Variants in ATP13A4 observed in about 807,000 individuals in gnomAD.
ATP13A4 encodes the protein probable cation-transporting ATPase 13A4.
Under a neutral mutation model 142.5 loss-of-function variants are expected in ATP13A4, and 114 were observed. The observed-to-expected ratio is 0.80, with a 90% CI of 0.69 to 0.93. The LOEUF is 0.93. ATP13A4 is among the 40% of genes least tolerant of loss of function. The pLI is 0.00. For missense variants in ATP13A4, 1,392 were observed against 1,454.0 expected (o/e 0.96, Z 0.69); for synonymous variants, 488 against 514.8 (o/e 0.95, Z 0.70).
intron 1 of ATP13A4, among the ~76,000 whole-genome samples, chr3:193,585,597 G>A (rs1408766662): frequency 2.0e-5 from 3 of 152,042 alleles, no homozygotes; most frequent in Non-Finnish European, 2.9e-5. Flanking sequence ...GGACACCCCT[G>A]TTCTAAATGT....
chr3:193,559,086 A>G (rs747026372), upstream of ATP13A4, among the ~76,000 whole-genome samples: 18 of 152,168 alleles, frequency 1.2e-4, no homozygotes, highest in Non-Finnish European at 2.4e-4. Flanking sequence ...TGTCTGGCCC[A>G]TTTAGGTTTT....
intron 8 of ATP13A4, among the ~76,000 whole-genome samples, chr3:193,479,972 C>G (rs932529657): frequency 2.6e-4 from 39 of 152,290 alleles, no homozygotes; most frequent in African/African-American, 8.7e-4. Context: ...CAAACACTTA[C>G]AGCCAACTGA....
Position 193,454,218 on chromosome 3 carries a change from TA to T in ATP13A4, c.1916-7del. 1 of 1,598,814 alleles carries T rather than the reference TA, an allele frequency of 6.3e-7. No individual in the cohort carries two copies. Among genetic ancestry groups the T allele is most frequent in the South Asian group, 1.1e-5 (1 of 90,812 alleles). ...GCTAACAAAACTAGTGGGTACTGTT[TA>T]GAAAGAAACACAGGGTTAGTACGCA... is the stretch of plus-strand genomic sequence containing the variant. On this transcript the variant is annotated splice_region_variant and splice_polypyrimidine_tract_variant and intron_variant, in intron 16 of 29. Transcript: ENST00000342695.
intron 25 of ATP13A4, among the ~76,000 whole-genome samples, chr3:193,418,233 C>T (rs112190874): frequency 1.6e-4 from 21 of 134,680 alleles, no homozygotes; most frequent in African/African-American, 3.4e-4. Flanking sequence ...AGGAGAATGG[C>T]GTGAACCCCG....
intron 25 of ATP13A4, among the ~76,000 whole-genome samples, chr3:193,426,548 G>A (rs576647965): frequency 3.3e-5 from 5 of 151,686 alleles, no homozygotes; most frequent in African/African-American, 2.4e-5. Context: ...TCCCTAAATC[G>A]TTTCTAAAAA....
chr3:193,418,117 G>T (rs796247978), intron 25 of ATP13A4, among the ~76,000 whole-genome samples: 1 of 44,640 alleles, frequency 2.2e-5, no homozygotes, highest in African/African-American at 1.0e-4. Context: ...GCGAGACTCC[G>T]TCTCAAAAAA....
intron 2 of ATP13A4, among the ~76,000 whole-genome samples, chr3:193,562,228 A>C (rs535893529): frequency 1.6e-4 from 24 of 152,326 alleles, no homozygotes; most frequent in South Asian, 6.2e-4. Context: ...AACAAACAAA[A>C]AAAAACTACA....
chr3:193,402,996 A>C, intron 29 of ATP13A4, 132 bp from the exon 30 acceptor site: 1 of 828,006 alleles, frequency 1.2e-6, no homozygotes, highest in East Asian at 2.7e-5. Context: ...TGACCACTGG[A>C]CCAATCTAAG....
intron 8 of ATP13A4, among the ~76,000 whole-genome samples, chr3:193,473,289 A>C (rs1176380586): frequency 6.6e-6 from 1 of 152,226 alleles, no homozygotes; most frequent in Non-Finnish European, 1.5e-5. Context: ...AGAAAGAACT[A>C]TAACCATCAA....
chr3:193,554,815 C>T lies in ATP13A4; in HGVS notation c.-16G>A. Reference sequence around the variant, plus strand: ...AGTGTCCCATGAAAAAGTTATTCCACACCTCCTCCCTGACCTTGTCGTGCA... The same window carrying T: ...AGTGTCCCATGAAAAAGTTATTCCATACCTCCTCCCTGACCTTGTCGTGCA... On this transcript the variant is annotated 5_prime_UTR_variant, in exon 1 of 30. It adds an upstream start codon to the 5' untranslated region. Transcript: ENST00000342695. 6.2e-7 allele frequency: 1 copy of T among 1,614,042 alleles called. No homozygotes were observed. Among genetic ancestry groups the T allele is most frequent in the South Asian group, 1.1e-5 (1 of 91,072 alleles).
intron 1 of ATP13A4, 87 bp downstream of exon 1, chr3:193,554,653 C>CGTGT (rs58073069): frequency 3.2e-5 from 39 of 1,229,610 alleles, no homozygotes; most frequent in Admixed American, 2.9e-4. Flanking sequence ...GTGATGCGTG[C>CGTGT]GTGTGTGTGT....
chr3:193,471,029 T>C (rs1404652441), intron 8 of ATP13A4, 36 bp from the exon 9 acceptor site: 1 of 1,613,694 alleles, frequency 6.2e-7, no homozygotes, highest in Non-Finnish European at 8.5e-7. Context: ...AGTCAGGTTA[T>C]TTTCCCACAA....
intron 26 of ATP13A4, among the ~76,000 whole-genome samples, 179 bp from the exon 27 acceptor site, chr3:193,412,550 CA>C (rs34798362): frequency 6.9e-6 from 1 of 144,754 alleles, no homozygotes; most frequent in Non-Finnish European, 1.5e-5. Context: ...CACACACACA[CA>C]CACTGAAAAA....
At position 193,518,483 on chromosome 3, in the gene ATP13A4, T is replaced by C. The variant is rs1002741713; in HGVS notation, c.61-3612A>G. ...AAGCAAGGGAATGATGAACACATGA[T>C]TTAGTACAGTGGCTGCCTCTGTTGG... On this transcript the variant is annotated intron_variant, in intron 1 of 29. Coordinates refer to ENST00000342695, the MANE Select transcript of ATP13A4 (RefSeq NM_032279.4). Among the ~76,000 whole-genome samples the C allele has an allele frequency of 1.4e-4, 21 of 152,184 alleles. 1 individual carries two copies. Among genetic ancestry groups the C allele is most frequent in the African/African-American group, 4.1e-4 (17 of 41,442 alleles).
chr3:193,426,035 A>G (rs1342380036), intron 25 of ATP13A4, among the ~76,000 whole-genome samples: 1 of 151,840 alleles, frequency 6.6e-6, no homozygotes, highest in Non-Finnish European at 1.5e-5. Flanking sequence ...TTTTGAAAAG[A>G]AAAAGGAAAT....
At chr3:193,574,951 A>G (rs964185003) in intron 2 of ATP13A4, among the ~76,000 whole-genome samples, 3 of 152,180 alleles carry the variant, frequency 2.0e-5, no homozygotes, top group African/African-American at 7.2e-5. Flanking sequence ...GACTACTCTG[A>G]CCAGTAGAAT....
At chr3:193,437,920 C>G (rs1021106443) in intron 23 of ATP13A4, among the ~76,000 whole-genome samples, 4 of 150,982 alleles carry the variant, frequency 2.6e-5, no homozygotes, top group Non-Finnish European at 5.9e-5. Context: ...CAATCTCCAC[C>G]TCCCAGGTTC....
intron 23 of ATP13A4, among the ~76,000 whole-genome samples, chr3:193,436,397 TCTTC>T (rs1716269910): frequency 6.6e-6 from 1 of 152,182 alleles, no homozygotes; most frequent in South Asian, 2.1e-4. Flanking sequence ...GTCACTTTTA[TCTTC>T]TATTTCATTC....
chr3:193,552,410 G>C (rs1723633299), intron 1 of ATP13A4, among the ~76,000 whole-genome samples: 1 of 152,152 alleles, frequency 6.6e-6, no homozygotes, highest in African/African-American at 2.4e-5. Context: ...TCTACCACAA[G>C]AGAAATTACG....
Sources: gnomAD v4.1 joint callset for allele counts (sites outside exome capture counted in the v4.1 genomes callset) on GRCh38, gnomAD v4.1.1 for gene constraint, MANE v1.5 for transcripts, NCBI Gene and HGNC (gene_info 2026-07-23, HGNC 2026-07-21) for gene names.